The following CD99L2 variants were observed in gnomAD, a reference collection of about 807,000 sequenced individuals.
The protein encoded by CD99L2 is CD99 molecule like 2.
In CD99L2, 24 loss-of-function variants were observed where a neutral mutation model predicts 27.3. The observed-to-expected ratio is 0.88, with a 90% CI of 0.64 to 1.24. The LOEUF (loss-of-function observed/expected upper bound fraction) is 1.24, where lower values mean the gene tolerates loss of function less well. Ranked by LOEUF, CD99L2 falls within the 50% of genes most tolerant of loss-of-function variation. The pLI is 0.00. For missense variants in CD99L2, 255 were observed against 221.6 expected (o/e 1.15, Z -0.96); for synonymous variants, 97 against 87.9 (o/e 1.10, Z -0.58).
rs2046463974 is a variant in CD99L2, at chrX:150,832,850, C to T, written c.68-1557G>A. The stretch of plus-strand genomic sequence containing the variant: ...AGATCACGAGGGCAGGAGATCGAGA[C>T]CATCCTGGCTAACACGGTGAAAACC... On this transcript the variant is annotated intron_variant, in intron 1 of 10. Coordinates refer to ENST00000370377, the MANE Select transcript of CD99L2 (RefSeq NM_031462.4). Among the ~76,000 whole-genome samples, 3 of 110,974 alleles carry T rather than the reference C, an allele frequency of 2.7e-5. No individual in the cohort carries two copies. The South Asian group carries it at 1.1e-3, about 42-fold the overall frequency.
At chrX:150,869,152 T>A (rs181616203) in intron 1 of CD99L2, among the ~76,000 whole-genome samples, 1 of 111,930 alleles carries the variant, frequency 8.9e-6, no homozygotes, top group Non-Finnish European at 1.9e-5. Flanking sequence ...AGGTTCTGTA[T>A]CCAGCCTAAG....
intron 7 of CD99L2, among the ~76,000 whole-genome samples, chrX:150,779,595 C>A (rs1283565345): frequency 8.9e-6 from 1 of 112,450 alleles, no homozygotes; most frequent in Non-Finnish European, 1.9e-5. Flanking sequence ...TCGCTTACTT[C>A]CTCTAGGCAC....
At chrX:150,881,161 C>T (rs2047319069) in intron 1 of CD99L2, among the ~76,000 whole-genome samples, 1 of 111,146 alleles carries the variant, frequency 9.0e-6, no homozygotes, top group African/African-American at 3.3e-5. Flanking sequence ...CCTTCCTCCT[C>T]TCCAGTGTCC....
chrX:150,815,337 T>G (rs2046137052), intron 3 of CD99L2, among the ~76,000 whole-genome samples: 1 of 111,694 alleles, frequency 9.0e-6, no homozygotes, highest in Admixed American at 9.5e-5. Context: ...CCCCTTTGAA[T>G]GTGGAAATGT....
intron 7 of CD99L2, among the ~76,000 whole-genome samples, chrX:150,793,230 C>G (rs922650026): frequency 1.8e-5 from 2 of 112,052 alleles, no homozygotes; most frequent in Admixed American, 1.9e-4. Flanking sequence ...ATTTTTACAA[C>G]TTCTTGTGAG....
At chrX:150,875,913 CTCTT>C (rs2047222020) in intron 1 of CD99L2, among the ~76,000 whole-genome samples, 1 of 112,274 alleles carries the variant, frequency 8.9e-6, no homozygotes, top group South Asian at 3.7e-4. Flanking sequence ...TCCATTAAAC[CTCTT>C]TCTTTTGTAA....
rs2045777233 is a variant in CD99L2, at chrX:150,795,291, T to G, written c.347-2A>C. The stretch of plus-strand genomic sequence containing the variant: ...CATCAGCCAAGTCAAAATCATTTCC[T>G]TCATGGGGTCCCAAAATAAAAGAAA... On this transcript the variant is annotated splice_acceptor_variant, in intron 5 of 10. Transcript: ENST00000370377. LOFTEE classifies it high-confidence loss of function. 8.3e-7 allele frequency: 1 copy of G among 1,210,018 alleles called. No homozygotes were observed. Among genetic ancestry groups the G allele is most frequent in the African/African-American group, 1.7e-5 (1 of 57,218 alleles).
chrX:150,839,688 G>A, intron 1 of CD99L2, among the ~76,000 whole-genome samples: 1 of 106,816 alleles, frequency 9.4e-6, no homozygotes, highest in Non-Finnish European at 1.9e-5. Context: ...GGTAACATAG[G>A]GAGACTCCAT....
intron 7 of CD99L2, among the ~76,000 whole-genome samples, chrX:150,787,718 G>A (rs1203393638): frequency 1.1e-5 from 1 of 90,475 alleles, no homozygotes; most frequent in Admixed American, 1.2e-4. Context: ...ACACAGGGTG[G>A]GGAACATCAC....
chrX:150,881,963 G>A (rs367544999), intron 1 of CD99L2, among the ~76,000 whole-genome samples: 22 of 110,047 alleles, frequency 2.0e-4, no homozygotes, highest in Middle Eastern at 4.2e-3. Context: ...GACTACAGGC[G>A]CCCGCCAACA....
At chrX:150,794,191 T>C (rs140514712) in intron 6 of CD99L2, among the ~76,000 whole-genome samples, 7,008 of 111,343 alleles carry the variant, frequency 0.063, 213 homozygotes, top group South Asian at 0.13. Flanking sequence ...TCTCTCCTCC[T>C]TTCTCCCCCT....
rs1557419880 is a variant in CD99L2, at chrX:150,795,436, C to T, written c.328G>A (p.Ala110Thr). ...TTTKRPVTTR[A>T]PANTLGNDFD... ...ACCTTACCTAAAGTATTTGCTGGAGCTCTGGTGGTTACTGGCCTCTTGGTC... is the reference window on the plus strand; with the variant it reads ...ACCTTACCTAAAGTATTTGCTGGAGTTCTGGTGGTTACTGGCCTCTTGGTC... Residue 110 changes from alanine to threonine, a missense_variant, in exon 5 of 11, where the codon GCT (alanine) becomes ACT (threonine). Transcript: ENST00000370377. 2 of 1,209,690 alleles carry T rather than the reference C, an allele frequency of 1.7e-6. No homozygotes were observed. Among genetic ancestry groups the T allele is most frequent in the East Asian group, 5.9e-5 (2 of 33,764 alleles).
At chrX:150,779,934 C>G (rs185963336) in intron 7 of CD99L2, among the ~76,000 whole-genome samples, 2 of 112,378 alleles carry the variant, frequency 1.8e-5, no homozygotes, top group East Asian at 5.6e-4. Flanking sequence ...AAATTAAAAA[C>G]TTGTGTGCTT....
At chrX:150,781,845 C>A (rs1242627736) in intron 7 of CD99L2, among the ~76,000 whole-genome samples, 1 of 112,326 alleles carries the variant, frequency 8.9e-6, no homozygotes, top group Non-Finnish European at 1.9e-5. Context: ...CATGACCTCA[C>A]TGAGAAAGTT....
rs894251092 is a variant in CD99L2, at chrX:150,897,906, T to C, written c.67+616A>G. Among the ~76,000 whole-genome samples, 3 of 110,677 alleles carry C rather than the reference T, an allele frequency of 2.7e-5. No individual in the cohort carries two copies. In the East Asian group the frequency reaches 8.6e-4, roughly 32 times the overall value. On this transcript the variant is annotated intron_variant, in intron 1 of 10. Coordinates refer to ENST00000370377, the MANE Select transcript of CD99L2 (RefSeq NM_031462.4). ...CTATGCGGCTGGGCCCTGGACCACA[T>C]TTTGAGTAGCAGAGGGTCTAAGAAA...
chrX:150,892,235 A>G, intron 1 of CD99L2, among the ~76,000 whole-genome samples: 1 of 109,093 alleles, frequency 9.2e-6, no homozygotes, highest in Non-Finnish European at 1.9e-5. Context: ...GGAAAAAAAT[A>G]ATAAAAATAA....
At chrX:150,829,238 T>A (rs1455569509) in intron 2 of CD99L2, 1 of 180,349 alleles carries the variant, frequency 5.5e-6, no homozygotes, top group African/African-American at 3.1e-5. Context: ...AATATATATT[T>A]CCTTATTTGG....
At chrX:150,881,404 T>C (rs2047322788) in intron 1 of CD99L2, among the ~76,000 whole-genome samples, 1 of 111,886 alleles carries the variant, frequency 8.9e-6, no homozygotes, top group Non-Finnish European at 1.9e-5. Flanking sequence ...TCGCAGAGAT[T>C]GTAGCCAGAG....
chrX:150,878,526 A>C (rs1299074397), intron 1 of CD99L2, among the ~76,000 whole-genome samples: 7 of 104,821 alleles, frequency 6.7e-5, no homozygotes, highest in African/African-American at 1.1e-4. Flanking sequence ...GGAAAACTTA[A>C]TACTACTAAA....
Sources: gnomAD v4.1 joint callset for allele counts (sites outside exome capture counted in the v4.1 genomes callset) on GRCh38, gnomAD v4.1.1 for gene constraint, MANE v1.5 for transcripts, NCBI Gene and HGNC (gene_info 2026-07-23, HGNC 2026-07-21) for gene names.